TENM3: variants seen among roughly 807,000 people sequenced by gnomAD.
TENM3 encodes teneurin transmembrane protein 3.
TENM3 carries 63 observed loss-of-function variants against 255.1 expected under a neutral mutation model. The ratio of observed to expected loss-of-function variants is 0.25; its 90% CI spans 0.20 to 0.30. The LOEUF is 0.30. Ranked by LOEUF, TENM3 falls within the 10% of genes least tolerant of loss-of-function variation. The probability of loss-of-function intolerance (pLI) is 1.00; values close to 1 mark genes in which losing one functional copy is unlikely to be tolerated. For synonymous variants in TENM3, 1,306 were observed against 1,322.3 expected (o/e 0.99, Z 0.27); for missense variants, 2,929 against 3,461.1 (o/e 0.85, Z 3.86).
At chr4:182,477,660 CAA>C (rs1733807492) in intron 3 of TENM3, among the ~76,000 whole-genome samples, 1 of 134,742 alleles carries the variant, frequency 7.4e-6, no homozygotes, top group Admixed American at 7.1e-5. Flanking sequence ...TTAAATTACC[CAA>C]GTTTCCAGGA....
chr4:181,879,914 G>A, the TENM3 span, among the ~76,000 whole-genome samples: 41 of 152,194 alleles, frequency 2.7e-4, 1 homozygote, highest in Non-Finnish European at 2.5e-4. Context: ...GTTCAGATTG[G>A]ATTTTAAAAA....
At chr4:182,439,071 C>G (rs1255685577) in intron 3 of TENM3, among the ~76,000 whole-genome samples, 2 of 152,180 alleles carry the variant, frequency 1.3e-5, no homozygotes, top group Non-Finnish European at 2.9e-5. Context: ...TTAACTTGCT[C>G]AGCATCGATT....
At chr4:182,190,549 A>G (rs897790052) in intron 1 of TENM3, among the ~76,000 whole-genome samples, 1 of 152,216 alleles carries the variant, frequency 6.6e-6, no homozygotes, top group African/African-American at 2.4e-5. Flanking sequence ...GAAGCCAGTA[A>G]TCCGTTTATA....
At chr4:181,600,134 A>G in the TENM3 span, among the ~76,000 whole-genome samples, 12 of 152,334 alleles carry the variant, frequency 7.9e-5, no homozygotes, top group African/African-American at 2.6e-4. Context: ...TATTGCTAAG[A>G]TTAAGCTACA....
the TENM3 span, among the ~76,000 whole-genome samples, chr4:181,456,266 C>G: frequency 6.6e-6 from 1 of 151,386 alleles, no homozygotes; most frequent in Non-Finnish European, 1.5e-5. Flanking sequence ...TGTCCGATAT[C>G]AAAGCCAATA....
At chr4:182,627,942 T>G (rs1561026029) in intron 4 of TENM3, among the ~76,000 whole-genome samples, 1 of 152,152 alleles carries the variant, frequency 6.6e-6, no homozygotes, top group Non-Finnish European at 1.5e-5. Flanking sequence ...TCTGCTTCAC[T>G]GACCCCTTCA....
chr4:182,453,978 C>G (rs2151337784), intron 3 of TENM3, among the ~76,000 whole-genome samples: 1 of 152,272 alleles, frequency 6.6e-6, no homozygotes, highest in Admixed American at 6.5e-5. Context: ...GTTTATTTGG[C>G]TTTCAATTCC....
chr4:182,700,077 C>T (rs112647572), intron 12 of TENM3, among the ~76,000 whole-genome samples: 46 of 152,246 alleles, frequency 3.0e-4, no homozygotes, highest in Admixed American at 6.5e-4. Context: ...AAGATTCTCT[C>T]GAGTTCCAGA....
intron 3 of TENM3, among the ~76,000 whole-genome samples, chr4:182,386,651 C>A (rs987344802): frequency 6.6e-6 from 1 of 152,196 alleles, no homozygotes; most frequent in African/African-American, 2.4e-5. Flanking sequence ...GCCCCGCACT[C>A]GGAGCTGCCG....
At chr4:182,538,356 A>G (rs891994309) in intron 3 of TENM3, among the ~76,000 whole-genome samples, 4 of 152,202 alleles carry the variant, frequency 2.6e-5, no homozygotes, top group African/African-American at 9.6e-5. Context: ...TCAAGTCACC[A>G]CTCAGGTCAC....
the TENM3 span, among the ~76,000 whole-genome samples, chr4:181,606,059 C>G: frequency 2.0e-5 from 3 of 152,154 alleles, no homozygotes; most frequent in Non-Finnish European, 2.9e-5. Flanking sequence ...CCAGATGCTC[C>G]AGCCAAAACT....
chr4:181,643,352 C>G, the TENM3 span, among the ~76,000 whole-genome samples: 1 of 152,108 alleles, frequency 6.6e-6, no homozygotes, highest in Non-Finnish European at 1.5e-5. Context: ...TATCCTGAGA[C>G]TTTGCTGAAG....
chr4:182,501,373 TGG>T (rs57346256), intron 3 of TENM3, among the ~76,000 whole-genome samples: 3,422 of 135,206 alleles, frequency 0.025, 67 homozygotes, highest in Middle Eastern at 0.043. Context: ...TGTCTAAAAG[TGG>T]GGGGGGGGGT....
chr4:182,546,535 G>A (rs1433539027), intron 3 of TENM3, among the ~76,000 whole-genome samples: 2 of 152,020 alleles, frequency 1.3e-5, no homozygotes, highest in Non-Finnish European at 2.9e-5. Context: ...TCATGGGCTC[G>A]AGCAATCCTT....
chr4:182,777,511 ATGTG>A (rs150202066), intron 24 of TENM3, among the ~76,000 whole-genome samples: 71 of 99,894 alleles, frequency 7.1e-4, no homozygotes, highest in Admixed American at 1.6e-3. Flanking sequence ...TAATGTGTTT[ATGTG>A]TGTGTGTGTG....
chr4:181,530,473 C>T, the TENM3 span, among the ~76,000 whole-genome samples: 1 of 152,114 alleles, frequency 6.6e-6, no homozygotes, highest in Non-Finnish European at 1.5e-5. Context: ...AGTTGCAATG[C>T]ATGAGTTACA....
At chr4:181,639,408 A>G in the TENM3 span, among the ~76,000 whole-genome samples, 3 of 152,178 alleles carry the variant, frequency 2.0e-5, no homozygotes, top group Non-Finnish European at 4.4e-5. Flanking sequence ...TCCCTGCAGC[A>G]CTATGTCACC....
chr4:182,247,230 A>T (rs1303073490), intron 1 of TENM3, among the ~76,000 whole-genome samples: 3 of 152,196 alleles, frequency 2.0e-5, no homozygotes, highest in African/African-American at 7.2e-5. Flanking sequence ...TGACATATAG[A>T]GGTGGATACC....
intron 3 of TENM3, among the ~76,000 whole-genome samples, chr4:182,488,940 G>A (rs887969231): frequency 6.6e-6 from 1 of 151,948 alleles, no homozygotes; most frequent in Non-Finnish European, 1.5e-5. Context: ...ATTTGCAGCT[G>A]CTGAAAAAAA....
Sources: allele counts gnomAD v4.1 joint callset (sites outside exome capture counted in the v4.1 genomes callset), GRCh38; gene constraint gnomAD v4.1.1; transcripts MANE v1.5; gene names NCBI Gene and HGNC (gene_info 2026-07-23, HGNC 2026-07-21).